The following CALCR variants were observed in gnomAD, a reference collection of about 807,000 sequenced individuals.
The protein encoded by CALCR is calcitonin receptor.
A neutral mutation model predicts 59.5 loss-of-function variants in CALCR; 47 were observed. The observed-to-expected ratio is 0.79, with a 90% CI of 0.63 to 1.01. The LOEUF (loss-of-function observed/expected upper bound fraction) is 1.01, where lower values mean the gene tolerates loss of function less well. Among genes scored for constraint, CALCR ranks in the 50% least tolerant of loss-of-function variants. The probability of loss-of-function intolerance (pLI) is 0.00; values close to 1 mark genes in which losing one functional copy is unlikely to be tolerated. For missense variants in CALCR, 566 were observed against 597.1 expected (o/e 0.95, Z 0.54); for synonymous variants, 213 against 211.3 (o/e 1.01, Z -0.07).
chr7:93,563,179 A>G lies in CALCR; in HGVS notation c.-27+11110T>C, dbSNP rs557079018. Among the ~76,000 whole-genome samples the G allele has an allele frequency of 3.3e-5, 5 of 152,302 alleles. No homozygotes were observed. In the East Asian group the frequency reaches 9.6e-4, roughly 29 times the overall value. On this transcript the variant is annotated intron_variant, in intron 2 of 13. Transcript: ENST00000426151. ...AGGGAAATGAGACCATTTAGAACAC[A>G]TGGAAAAGAGTTGCCATGCTCCAAA...
intron 4 of CALCR, 119 bp from the exon 5 acceptor site, chr7:93,477,787 T>C: frequency 1.6e-6 from 1 of 615,576 alleles, no homozygotes; most frequent in East Asian, 2.8e-5. Context: ...ACCAACCACA[T>C]TTCAAACAAG....
At chr7:93,571,730 C>T (rs750540346) in intron 2 of CALCR, among the ~76,000 whole-genome samples, 2 of 152,102 alleles carry the variant, frequency 1.3e-5, no homozygotes, top group East Asian at 1.9e-4. Flanking sequence ...TTACTTGGTT[C>T]GTGGCTTTGA....
At chr7:93,568,178 G>A (rs1789908228) in intron 2 of CALCR, among the ~76,000 whole-genome samples, 1 of 152,124 alleles carries the variant, frequency 6.6e-6, no homozygotes, top group Admixed American at 6.6e-5. Flanking sequence ...CAATCATGAT[G>A]TGATATGACA....
chr7:93,465,042 A>G (rs573493201), intron 7 of CALCR, among the ~76,000 whole-genome samples: 1 of 151,962 alleles, frequency 6.6e-6, no homozygotes, highest in Non-Finnish European at 1.5e-5. Context: ...TGAAGAGACC[A>G]TCTGTTTTCC....
intron 12 of CALCR, among the ~76,000 whole-genome samples, chr7:93,435,103 C>G (rs1052043486): frequency 6.6e-6 from 1 of 152,100 alleles, no homozygotes; most frequent in African/African-American, 2.4e-5. Context: ...CTAGGGCAGC[C>G]ATTCTCCTAT....
At chr7:93,470,784 AATT>A (rs1348578079) in intron 6 of CALCR, among the ~76,000 whole-genome samples, 4 of 148,390 alleles carry the variant, frequency 2.7e-5, no homozygotes, top group Non-Finnish European at 6.0e-5. Flanking sequence ...TTTTATTGTT[AATT>A]ATTATACTTT....
intron 2 of CALCR, among the ~76,000 whole-genome samples, chr7:93,551,371 A>G (rs1306765809): frequency 6.6e-6 from 1 of 152,170 alleles, no homozygotes; most frequent in Non-Finnish European, 1.5e-5. Context: ...TGCAGGCAAA[A>G]CTTTTCCAAC....
intron 2 of CALCR, among the ~76,000 whole-genome samples, chr7:93,530,293 C>T (rs1357653100): frequency 6.6e-6 from 1 of 152,066 alleles, no homozygotes; most frequent in Admixed American, 6.6e-5. Flanking sequence ...TTCAGACTGC[C>T]TAGTCCTTTC....
intron 2 of CALCR, among the ~76,000 whole-genome samples, chr7:93,517,554 G>A (rs1269574597): frequency 6.6e-6 from 1 of 151,684 alleles, no homozygotes; most frequent in Non-Finnish European, 1.5e-5. Flanking sequence ...TAGAATTCTT[G>A]AAGACTACAT....
intron 2 of CALCR, among the ~76,000 whole-genome samples, chr7:93,532,130 T>G (rs1025778152): frequency 6.6e-6 from 1 of 152,046 alleles, no homozygotes; most frequent in Non-Finnish European, 1.5e-5. Flanking sequence ...ATGACATGAA[T>G]AAAACAAAGT....
intron 7 of CALCR, among the ~76,000 whole-genome samples, chr7:93,468,201 C>A (rs1365454886): frequency 6.6e-6 from 1 of 151,780 alleles, no homozygotes; most frequent in Non-Finnish European, 1.5e-5. Context: ...CATAATTGTG[C>A]ACCATAAAAC....
chr7:93,441,727 A>G (rs1015142532), intron 9 of CALCR, among the ~76,000 whole-genome samples: 1 of 152,086 alleles, frequency 6.6e-6, no homozygotes, highest in Non-Finnish European at 1.5e-5. Flanking sequence ...TCTCCTTATA[A>G]GGGAGCAGCC....
rs201729250 is a variant in CALCR at position 93,550,598 on chromosome 7, A to AACACACACACACACACACAC, written c.-27+23671_-27+23690dup. ...TAACCAAGCATTTCCATTTGGGCTA[A>AACACACACACACACACACAC]ACACACACACACACACACACACACA... On this transcript the variant is annotated intron_variant, in intron 2 of 13. Transcript: ENST00000426151. 1.3e-3 allele frequency among the ~76,000 whole-genome samples: 158 copies of AACACACACACACACACACAC among 121,922 alleles called. 1 individual carries two copies. The highest frequency in any genetic ancestry group is 3.5e-3 in the African/African-American group (123 of 34,868). 80.0% of individuals were successfully genotyped at this position (121,922 alleles called of 152,430 possible).
intron 2 of CALCR, among the ~76,000 whole-genome samples, chr7:93,520,720 C>A (rs1801744565): frequency 6.6e-6 from 1 of 152,100 alleles, no homozygotes; most frequent in Non-Finnish European, 1.5e-5. Flanking sequence ...ATGCAGGTTT[C>A]TTCTATAGAA....
rs188366057 is a variant in CALCR at position 93,498,654 on chromosome 7, A to G, written c.-26-11647T>C. Among the ~76,000 whole-genome samples, 95 of 151,824 alleles carry G rather than the reference A, an allele frequency of 6.3e-4. 2 individuals are homozygous for G. Among genetic ancestry groups the G allele is most frequent in the African/African-American group, 2.3e-3 (95 of 41,522 alleles). On this transcript the variant is annotated intron_variant, in intron 2 of 13. Transcript: ENST00000426151. The stretch of plus-strand genomic sequence containing the variant: ...TGAGAGATTGGGAGAAAAATAATCC[A>G]ATCTAAAGGATAAGCATGAAGATAC...
chr7:93,568,511 C>CTT (rs1789920514), intron 2 of CALCR, among the ~76,000 whole-genome samples: 1 of 33,318 alleles, frequency 3.0e-5, no homozygotes, highest in Non-Finnish European at 7.2e-5. Context: ...AAATTACTTT[C>CTT]TCTCTCTCTC....
intron 2 of CALCR, among the ~76,000 whole-genome samples, chr7:93,550,488 C>CAA (rs11287815): frequency 7.1e-4 from 19 of 26,582 alleles, no homozygotes; most frequent in African/African-American, 3.0e-3. Context: ...AACTCCGTCT[C>CAA]AAAAAAAAAA....
At chr7:93,453,714 G>A (rs1235564757) in intron 8 of CALCR, among the ~76,000 whole-genome samples, 1 of 151,906 alleles carries the variant, frequency 6.6e-6, no homozygotes, top group Non-Finnish European at 1.5e-5. Context: ...CATGTGTAGA[G>A]GTACCACCAA....
intron 9 of CALCR, 46 bp downstream of exon 9, chr7:93,443,558 G>A (rs1799952123): frequency 1.3e-6 from 2 of 1,572,876 alleles, no homozygotes; most frequent in East Asian, 2.2e-5. Flanking sequence ...AAAGCATACA[G>A]ACAGAGGTGA....
Sources: gnomAD v4.1 joint callset for allele counts (sites outside exome capture counted in the v4.1 genomes callset) on GRCh38, gnomAD v4.1.1 for gene constraint, MANE v1.5 for transcripts, NCBI Gene and HGNC (gene_info 2026-07-23, HGNC 2026-07-21) for gene names.